The following SLIT1 variants were observed in gnomAD, a reference collection of about 807,000 sequenced individuals.
SLIT1 encodes the protein slit homolog 1 protein.
A neutral mutation model predicts 186.1 loss-of-function variants in SLIT1; 66 were observed. The ratio of observed to expected loss-of-function variants is 0.35; its 90% CI spans 0.29 to 0.44. SLIT1 has a LOEUF of 0.44. Ranked by LOEUF, SLIT1 falls within the 20% of genes least tolerant of loss-of-function variation. The pLI, the probability that SLIT1 is intolerant of heterozygous loss-of-function variation, is 1.00. For missense variants in SLIT1, 1,638 were observed against 2,037.4 expected, an observed-to-expected ratio of 0.80 and a Z score of 3.77; for synonymous variants, 761 against 833.8, an observed-to-expected ratio of 0.91 and a Z score of 1.50.
chr10:97,113,708 A>G (rs1415457033), intron 4 of SLIT1, among the ~76,000 whole-genome samples: 3 of 151,610 alleles, frequency 2.0e-5, no homozygotes, highest in Non-Finnish European at 2.9e-5. Flanking sequence ...ATGCACCACC[A>G]TGCCCAGCTA....
At chr10:97,065,993 T>A (rs1290574473) in intron 5 of SLIT1, 22 bp downstream of exon 5, 1 of 1,572,684 alleles carries the variant, frequency 6.4e-7, no homozygotes, top group Non-Finnish European at 8.7e-7. Flanking sequence ...CACACCCTTC[T>A]CCCTCCCAGG....
At chr10:97,057,077 C>G (rs1848844131) in intron 12 of SLIT1, 133 bp downstream of exon 12, 1 of 671,756 alleles carries the variant, frequency 1.5e-6, no homozygotes, top group Non-Finnish European at 2.6e-6. Flanking sequence ...CCTAGTGGGT[C>G]TGCCTGTCTT....
rs1848274602 is a variant in SLIT1, at chr10:96,998,958, C to T, written c.*2154G>A. On this transcript the variant is annotated 3_prime_UTR_variant, in exon 37 of 37. Coordinates refer to ENST00000266058, the MANE Select transcript of SLIT1 (RefSeq NM_003061.3). ...CTTCAAGCCTGGGAATTGGCTTCTC[C>T]AGGGTGGTGGGGAATGGTGGTGGCC... 6.6e-6 allele frequency: 1 copy of T among 152,390 alleles called. No individual in the cohort carries two copies. The highest frequency in any genetic ancestry group is 1.5e-5 in the Non-Finnish European group (1 of 68,208). The allele number at this position is 152,390 out of a possible 1,614,324, so 9.4% of individuals were successfully genotyped here.
At chr10:97,132,265 G>A (rs1057093089) in intron 4 of SLIT1, among the ~76,000 whole-genome samples, 1 of 152,156 alleles carries the variant, frequency 6.6e-6, no homozygotes, top group African/African-American at 2.4e-5. Flanking sequence ...CCCCTCTGCA[G>A]GCTCAGGTAA....
intron 4 of SLIT1, among the ~76,000 whole-genome samples, chr10:97,139,727 C>A (rs555557100): frequency 6.6e-6 from 1 of 152,274 alleles, no homozygotes; most frequent in African/African-American, 2.4e-5. Flanking sequence ...CTAGAAATGG[C>A]GTGCAGAGTT....
chr10:97,025,313 G>A (rs959296082), intron 25 of SLIT1, among the ~76,000 whole-genome samples: 5 of 151,910 alleles, frequency 3.3e-5, no homozygotes, highest in Non-Finnish European at 5.9e-5. Context: ...AACAAAAAAC[G>A]ACAACAACAA....
At position 97,167,265 on chromosome 10, in the gene SLIT1, G is replaced by A. The variant is rs114704079; in HGVS notation, c.198-2375C>T. Among the ~76,000 whole-genome samples, 1,391 of 152,234 alleles carry A rather than the reference G, an allele frequency of 9.1e-3. 23 individuals carry two copies. The highest frequency in any genetic ancestry group is 0.032 in the African/African-American group (1,332 of 41,530). On this transcript the variant is annotated intron_variant, in intron 1 of 36. Coordinates refer to ENST00000266058, the MANE Select transcript of SLIT1 (RefSeq NM_003061.3). ...AAACAGCCACTCTGAGCCTCACTGTGTTGCACCCCAACCTGCTCCCTCTGC... is the reference window on the plus strand; with the variant it reads ...AAACAGCCACTCTGAGCCTCACTGTATTGCACCCCAACCTGCTCCCTCTGC...
chr10:97,001,332 TC>T lies in SLIT1; in HGVS notation c.4384del (p.Asp1462ThrfsTer42). ...GACCTGGTGAAAGTCCCGGACAGGGTCCCCCCGGCACTCGGACTCTGGATGG... is the reference window on the plus strand; with the variant it reads ...GACCTGGTGAAAGTCCCGGACAGGGTCCCCCGGCACTCGGACTCTGGATGG... ...LCEQESECRG[D>X]PVRDFHQVQR... On this transcript the variant is annotated frameshift_variant, in exon 37 of 37. Coordinates refer to ENST00000266058, the MANE Select transcript of SLIT1 (RefSeq NM_003061.3). LOFTEE classifies it high-confidence loss of function. 2 of 1,612,034 alleles carry T rather than the reference TC, an allele frequency of 1.2e-6. No homozygotes were observed. The highest frequency in any genetic ancestry group is 1.7e-6 in the Non-Finnish European group (2 of 1,179,506).
Position 97,157,850 on chromosome 10 carries a change from C to T in SLIT1, c.381G>A (p.Leu127=). The T allele has an allele frequency of 6.2e-7, 1 of 1,614,032 alleles. No individual in the cohort carries two copies. The highest frequency in any genetic ancestry group is 1.6e-4 in the Middle Eastern group (1 of 6,062). ...ACAAAGCCTGGTTGTTCTGGAACAGCAGTTCCGGTAACATGTGCAGCTGGT... is the reference window on the plus strand; with the variant it reads ...ACAAAGCCTGGTTGTTCTGGAACAGTAGTTCCGGTAACATGTGCAGCTGGT... The part of the protein sequence containing the change: ...NRNQLHMLPE[L]LFQNNQALSR... Residue 127 remains leucine (L), a synonymous_variant, in exon 4 of 37, where the codon CTG becomes CTA. Coordinates refer to ENST00000266058, the MANE Select transcript of SLIT1 (RefSeq NM_003061.3).
intron 25 of SLIT1, among the ~76,000 whole-genome samples, chr10:97,026,236 G>A (rs1279974439): frequency 6.6e-6 from 1 of 152,102 alleles, no homozygotes; most frequent in Non-Finnish European, 1.5e-5. Flanking sequence ...GGCTGAGGCG[G>A]GTGGATCACC....
Position 97,004,319 on chromosome 10 carries a change from A to C in SLIT1, c.3711-97T>G. ...CCAGAAACACCAGTAGCTGCTTCCC[A>C]GGAGACCAAATATCTAAGGAAAAGG... On this transcript the variant is annotated intron_variant, in intron 33 of 36. Transcript: ENST00000266058. This position sits in a 1 kb window ranked among gnomAD's most constrained non-coding sequence, Gnocchi z 5.1. The C allele has an allele frequency of 8.1e-7, 1 of 1,228,566 alleles. No homozygotes were observed. The allele number at this position is 1,228,566 out of a possible 1,614,324, so 76.1% of individuals were successfully genotyped here.
intron 4 of SLIT1, among the ~76,000 whole-genome samples, chr10:97,147,834 C>T (rs1333405306): frequency 6.6e-6 from 1 of 152,226 alleles, no homozygotes; most frequent in African/African-American, 2.4e-5. Flanking sequence ...GGGGCCCCTG[C>T]TCACAGGGAA....
intron 4 of SLIT1, among the ~76,000 whole-genome samples, chr10:97,123,519 G>C (rs982418121): frequency 1.3e-5 from 2 of 152,150 alleles, no homozygotes; most frequent in African/African-American, 4.8e-5. Context: ...GGAGACAGTG[G>C]CTCAAGCCTG....
At chr10:97,008,274 A>G (rs1848379240) in intron 31 of SLIT1, among the ~76,000 whole-genome samples, 1 of 152,270 alleles carries the variant, frequency 6.6e-6, no homozygotes, top group Non-Finnish European at 1.5e-5. Context: ...TAAAATACGT[A>G]AGAATAAATT....
intron 2 of SLIT1, among the ~76,000 whole-genome samples, chr10:97,164,472 G>C (rs778512355): frequency 1.3e-5 from 2 of 152,194 alleles, no homozygotes; most frequent in Admixed American, 6.5e-5. Context: ...GGTTTCTGGA[G>C]CAGATCCGTG....
intron 3 of SLIT1, among the ~76,000 whole-genome samples, chr10:97,158,341 T>A (rs1307566170): frequency 6.6e-6 from 1 of 152,024 alleles, no homozygotes; most frequent in East Asian, 1.9e-4. Context: ...CTTTTTTTTT[T>A]ATTGTTTGCT....
intron 22 of SLIT1, among the ~76,000 whole-genome samples, chr10:97,035,736 G>A (rs940595422): frequency 2.0e-5 from 3 of 152,054 alleles, no homozygotes; most frequent in Admixed American, 6.6e-5. Flanking sequence ...GCCACCTGTC[G>A]GCACTCCTGG....
rs1361873125 is a variant in SLIT1, at chr10:97,030,847, G to A, written c.2511-19C>T. ...GAGAGACCTGAGAAGGGAAGAGGCT[G>A]CTGGTGCCTTATCCAGGGACAGAGA... is the stretch of plus-strand genomic sequence containing the variant. On this transcript the variant is annotated intron_variant, in intron 24 of 36. Coordinates refer to ENST00000266058, the MANE Select transcript of SLIT1 (RefSeq NM_003061.3). The A allele has an allele frequency of 6.2e-7, 1 of 1,609,114 alleles. No individual in the cohort carries two copies. Among genetic ancestry groups the A allele is most frequent in the South Asian group, 1.1e-5 (1 of 90,780 alleles).
intron 4 of SLIT1, among the ~76,000 whole-genome samples, chr10:97,081,014 A>T (rs1271543022): frequency 6.6e-6 from 1 of 152,170 alleles, no homozygotes; most frequent in African/African-American, 2.4e-5. Context: ...GTTTTAGGGT[A>T]TTTTGAAGAA....
Sources: allele counts gnomAD v4.1 joint callset (sites outside exome capture counted in the v4.1 genomes callset), GRCh38; gene constraint gnomAD v4.1.1; non-coding constraint Gnocchi (gnomAD v3.1); transcripts MANE v1.5; gene names NCBI Gene and HGNC (gene_info 2026-07-23, HGNC 2026-07-21).